RNF128: variants seen among roughly 807,000 people sequenced by gnomAD.
RNF128 encodes E3 ubiquitin-protein ligase RNF128.
A neutral mutation model predicts 26.2 loss-of-function variants in RNF128; 13 were observed. The ratio of observed to expected loss-of-function variants is 0.50; its 90% CI spans 0.32 to 0.79. RNF128 has a LOEUF of 0.79. Ranked by LOEUF, RNF128 falls within the 30% of genes least tolerant of loss-of-function variation. RNF128 has a pLI of 0.03. For synonymous variants in RNF128, 149 were observed against 142.5 expected (o/e 1.05, Z -0.32); for missense variants, 315 against 349.7 (o/e 0.90, Z 0.79).
Position 106,726,921 on chromosome X carries a change from C to G in RNF128, c.8C>G (p.Pro3Arg), listed in dbSNP as rs749937431. ...CTGCGGAGCGCGCGCGCCATGGGGCCGCCGCCTGGGGCCGGGGTCTCCTGC... is the reference window on the plus strand; with the variant it reads ...CTGCGGAGCGCGCGCGCCATGGGGCGGCCGCCTGGGGCCGGGGTCTCCTGC... MG[P>R]PPGAGVSCRG... The change falls in exon 1 of 7, where the codon CCG becomes CGG. Residue 3 changes from proline (P) to arginine (R), a missense_variant. Transcript: ENST00000255499. The G allele has an allele frequency of 4.3e-6, 5 of 1,172,061 alleles. No homozygotes were observed. Among genetic ancestry groups the G allele is most frequent in the Admixed American group, 2.5e-5 (1 of 39,846 alleles).
At chrX:106,792,566 A>G (rs1460587385) in intron 6 of RNF128, among the ~76,000 whole-genome samples, 1 of 111,068 alleles carries the variant, frequency 9.0e-6, no homozygotes, top group African/African-American at 3.3e-5. Context: ...CTGTCCCCTA[A>G]TTTCCAACCT....
intron 1 of RNF128, among the ~76,000 whole-genome samples, chrX:106,768,567 T>G (rs1226108279): frequency 2.7e-5 from 3 of 112,008 alleles, no homozygotes; most frequent in African/African-American, 9.7e-5. Flanking sequence ...TGATATCCCC[T>G]TTATCATTTT....
chrX:106,723,440 G>A (rs1361548677), upstream of RNF128, among the ~76,000 whole-genome samples: 3 of 110,625 alleles, frequency 2.7e-5, no homozygotes, highest in African/African-American at 6.6e-5. Flanking sequence ...GGTGGCACGC[G>A]CCTGTAATTC....
At chrX:106,697,382 A>G (rs752013671) in intron 1 of RNF128, among the ~76,000 whole-genome samples, 1 of 111,511 alleles carries the variant, frequency 9.0e-6, no homozygotes, top group African/African-American at 3.3e-5. Context: ...TCACAGATTG[A>G]CCTTCTCTAA....
At chrX:106,713,862 G>T (rs1257052484) in intron 1 of RNF128, among the ~76,000 whole-genome samples, 1 of 111,134 alleles carries the variant, frequency 9.0e-6, no homozygotes, top group Non-Finnish European at 1.9e-5. Context: ...AGGTAACTCT[G>T]ACCTCAGAAA....
intron 1 of RNF128, among the ~76,000 whole-genome samples, chrX:106,729,420 A>G (rs906866806): frequency 1.8e-5 from 2 of 110,796 alleles, no homozygotes; most frequent in Non-Finnish European, 3.8e-5. Context: ...ATATATATAT[A>G]TACTACCCAG....
At chrX:106,753,093 G>C (rs1450943565) in intron 1 of RNF128, among the ~76,000 whole-genome samples, 2 of 111,253 alleles carry the variant, frequency 1.8e-5, no homozygotes, top group Non-Finnish European at 3.8e-5. Flanking sequence ...ACAGATCTAA[G>C]AGTTATTTGC....
chrX:106,721,584 G>C (rs1002892002), intron 1 of RNF128, among the ~76,000 whole-genome samples: 4 of 111,603 alleles, frequency 3.6e-5, no homozygotes, highest in Non-Finnish European at 7.5e-5. Flanking sequence ...TTTGTGGTAG[G>C]ATTTGAAGAA....
At chrX:106,694,085 T>C (rs1430920067) in exon 1 of RNF128, 2 of 1,204,885 alleles carry the variant, frequency 1.7e-6, no homozygotes. Flanking sequence ...TCTTTTTCAA[T>C]GAGTGCCTAT....
chrX:106,780,066 T>A (rs1194755987), intron 2 of RNF128, among the ~76,000 whole-genome samples: 1 of 111,442 alleles, frequency 9.0e-6, no homozygotes, highest in Non-Finnish European at 1.9e-5. Flanking sequence ...TTTGCTTATA[T>A]CTCTCTCCTT....
chrX:106,695,461 T>A lies in RNF128; in HGVS notation c.406+1053T>A, dbSNP rs184469747. ...AATATCACTGTTTGGTACTAATATT[T>A]GAAAACCAAACTGCTTATTTCGCTA... On this transcript the variant is annotated intron_variant, in intron 1 of 6. Coordinates refer to the RNF128 transcript ENST00000324342. Among the ~76,000 whole-genome samples, 75 of 111,812 alleles carry A rather than the reference T, an allele frequency of 6.7e-4. 2 individuals carry two copies. The highest frequency in any genetic ancestry group is 5.3e-3 in the Admixed American group (56 of 10,533).
exon 1 of RNF128, chrX:106,693,916 G>C: frequency 2.3e-6 from 2 of 879,883 alleles, no homozygotes; most frequent in Non-Finnish European, 3.2e-6. Context: ...TCAAACTTCT[G>C]TTCAGCAGGG....
chrX:106,710,692 G>A (rs930697291), intron 1 of RNF128, among the ~76,000 whole-genome samples: 20 of 100,390 alleles, frequency 2.0e-4, no homozygotes, highest in African/African-American at 6.3e-4. Context: ...AGGAGGCAGA[G>A]GTTGCAGTGA....
chrX:106,726,267 C>T (rs1013537708), upstream of RNF128, among the ~76,000 whole-genome samples: 1 of 110,650 alleles, frequency 9.0e-6, no homozygotes, highest in Non-Finnish European at 1.9e-5. Flanking sequence ...GCCCTTCCCC[C>T]CTCTAGAGAA....
chrX:106,788,911 A>G (rs1410205524), intron 4 of RNF128, among the ~76,000 whole-genome samples: 2 of 76,151 alleles, frequency 2.6e-5, no homozygotes, highest in Non-Finnish European at 4.6e-5. Flanking sequence ...TATACTATAT[A>G]CTGAGTATAT....
chrX:106,779,108 C>T (rs920245157), intron 2 of RNF128, among the ~76,000 whole-genome samples: 2 of 111,332 alleles, frequency 1.8e-5, no homozygotes, highest in African/African-American at 6.5e-5. Context: ...CTTAGTTTTA[C>T]AATATTTCTT....
At chrX:106,716,055 G>T (rs1414198140) in intron 1 of RNF128, among the ~76,000 whole-genome samples, 1 of 111,572 alleles carries the variant, frequency 9.0e-6, no homozygotes, top group Non-Finnish European at 1.9e-5. Flanking sequence ...AATCTGCTCT[G>T]CTCTGTCCTG....
intron 2 of RNF128, among the ~76,000 whole-genome samples, chrX:106,773,738 A>C (rs1228706966): frequency 9.0e-6 from 1 of 111,237 alleles, no homozygotes; most frequent in Admixed American, 9.6e-5. Context: ...AACAGTGTAT[A>C]AAAAGGTACA....
rs367570137 is a variant in RNF128, at chrX:106,726,783, C to A, written c.-131C>A. On this transcript the variant is annotated 5_prime_UTR_variant, in exon 1 of 7. Coordinates refer to ENST00000255499, the MANE Select transcript of RNF128 (RefSeq NM_194463.2). ...GACGCTACGTGCCTCCTGGCTCCGA[C>A]GTAGCTCGCAGCTCCCCAGTCTCAC... 9.4e-7 allele frequency: 1 copy of A among 1,069,146 alleles called. No individual in the cohort carries two copies. Among genetic ancestry groups the A allele is most frequent in the East Asian group, 3.6e-5 (1 of 28,031 alleles). The allele number at this position is 1,069,146 out of a possible 1,213,427, so 88.1% of individuals were successfully genotyped here. A position where few individuals can be genotyped will look rare whatever the true frequency, so the allele number is the denominator to read the frequency against.
Sources: gnomAD v4.1 joint callset for allele counts (sites outside exome capture counted in the v4.1 genomes callset) on GRCh38, gnomAD v4.1.1 for gene constraint, MANE v1.5 for transcripts, NCBI Gene and HGNC (gene_info 2026-07-23, HGNC 2026-07-21) for gene names.